PCGF3: variants seen among roughly 807,000 people sequenced by gnomAD.
PCGF3 encodes polycomb group RING finger protein 3.
PCGF3 carries 7 observed loss-of-function variants against 33.1 expected under a neutral mutation model. The observed-to-expected ratio is 0.21, with a 90% CI of 0.12 to 0.40. The LOEUF (loss-of-function observed/expected upper bound fraction) is 0.40. Among genes scored for constraint, PCGF3 ranks in the 10% least tolerant of loss-of-function variants. The pLI is 1.00. For synonymous variants in PCGF3, 153 were observed against 121.3 expected (o/e 1.26, Z -1.72); for missense variants, 211 against 313.3 (o/e 0.67, Z 2.46).
intron 1 of PCGF3, among the ~76,000 whole-genome samples, chr4:707,850 C>T (rs1203010645): frequency 8.9e-6 from 1 of 112,442 alleles, no homozygotes; most frequent in Admixed American, 8.3e-5. Flanking sequence ...GGGGTCGGGA[C>T]CCTGGGACAG....
At chr4:727,015 T>C (rs1234052705) in intron 1 of PCGF3, among the ~76,000 whole-genome samples, 2 of 152,148 alleles carry the variant, frequency 1.3e-5, no homozygotes, top group Non-Finnish European at 2.9e-5. Flanking sequence ...GTGTGTGCGC[T>C]CCTGCGTCTG....
At chr4:728,764 A>G (rs1743431972) in intron 1 of PCGF3, among the ~76,000 whole-genome samples, 1 of 152,202 alleles carries the variant, frequency 6.6e-6, no homozygotes, top group Admixed American at 6.5e-5. Flanking sequence ...CCAACACAGG[A>G]GCCACTGGCC....
rs1743768252 is a variant in PCGF3 at position 735,034 on chromosome 4, G to A, written c.206+7G>A. 6.2e-7 allele frequency: 1 copy of A among 1,610,946 alleles called. No individual in the cohort carries two copies. Among genetic ancestry groups the A allele is most frequent in the Non-Finnish European group, 8.5e-7 (1 of 1,179,346 alleles). On this transcript the variant is annotated splice_region_variant and intron_variant, in intron 5 of 10. Coordinates refer to ENST00000362003, the Ensembl canonical transcript of PCGF3. ...ACCCCCTGCAGTACATCGGGTGAGT[G>A]TGGGCCTTCCCAGGCCACAGTACGT...
intron 1 of PCGF3, among the ~76,000 whole-genome samples, chr4:714,755 G>A (rs1225874422): frequency 2.6e-5 from 4 of 152,234 alleles, no homozygotes; most frequent in Non-Finnish European, 5.9e-5. Context: ...GTCTCAGCTG[G>A]AGAAAGCTGC....
At chr4:754,022 C>T (rs17164972) in intron 8 of PCGF3, among the ~76,000 whole-genome samples, 5,734 of 152,258 alleles carry the variant, frequency 0.038, 149 homozygotes, top group East Asian at 0.097. Context: ...GAGTCGCCTC[C>T]GTCTTTGGTG....
In PCGF3 at chr4:765,149, T is replaced by G; in HGVS notation, c.681+85T>G. The stretch of plus-strand genomic sequence containing the variant: ...TCTCTTATCTAAAATGTTAAATGAC[T>G]CCAGCTGGGTGCAGTGGCTCATGCC... On this transcript the variant is annotated intron_variant, in intron 10 of 10. Coordinates refer to ENST00000362003, the Ensembl canonical transcript of PCGF3. The G allele has an allele frequency of 3.2e-6, 3 of 949,712 alleles. No individual in the cohort carries two copies. The South Asian group carries it at 4.2e-5, about 13-fold the overall frequency. The allele number at this position is 949,712 out of a possible 1,614,324, so 58.8% of individuals were successfully genotyped here.
Position 733,976 on chromosome 4 carries a change from G to T in PCGF3, c.109+187G>T, listed in dbSNP as rs778783802. The T allele has an allele frequency of 3.0e-5, 46 of 1,551,252 alleles. No individual in the cohort carries two copies. In the Admixed American group the frequency reaches 9.0e-4, roughly 30 times the overall value. ...TCATTTCACGCTAAAGGTCCTGTGG[G>T]TGGTGTCAGAGCAGATGAGGCCTCG... On this transcript the variant is annotated intron_variant, in intron 4 of 10. Coordinates refer to ENST00000362003, the Ensembl canonical transcript of PCGF3.
At chr4:760,297 C>G (rs1250252354) in intron 8 of PCGF3, among the ~76,000 whole-genome samples, 1 of 152,120 alleles carries the variant, frequency 6.6e-6, no homozygotes, top group Non-Finnish European at 1.5e-5. Flanking sequence ...CCGTCTTCTC[C>G]CCTTTCTCTT....
At chr4:754,953 C>A (rs1188841689) in intron 8 of PCGF3, among the ~76,000 whole-genome samples, 2 of 152,216 alleles carry the variant, frequency 1.3e-5, no homozygotes, top group Non-Finnish European at 2.9e-5. Flanking sequence ...GATGGCAGAT[C>A]TTGGGCTCTT....
exon 11 of PCGF3, chr4:767,963 A>T (rs1745452989): frequency 6.6e-6 from 1 of 152,668 alleles, no homozygotes; most frequent in African/African-American, 2.4e-5. Flanking sequence ...TGTGTGGCGG[A>T]ATAAGAAAGG....
intron 6 of PCGF3, among the ~76,000 whole-genome samples, chr4:741,400 T>C (rs544914696): frequency 2.6e-5 from 4 of 152,088 alleles, no homozygotes; most frequent in Non-Finnish European, 4.4e-5. Flanking sequence ...TGAGCTCTTA[T>C]TTATTTATTT....
intron 1 of PCGF3, among the ~76,000 whole-genome samples, chr4:724,221 G>A (rs1055207125): frequency 2.6e-5 from 4 of 152,220 alleles, no homozygotes; most frequent in African/African-American, 9.7e-5. Flanking sequence ...AGGTGGGATC[G>A]GCTGCGGGAG....
chr4:737,391 T>G, intron 5 of PCGF3, 75 bp from the exon 6 acceptor site: 1 of 964,956 alleles, frequency 1.0e-6, no homozygotes, highest in South Asian at 1.3e-5. Context: ...AACTTTGATA[T>G]TGTTAAATGG....
intron 4 of PCGF3, 36 bp downstream of exon 4, chr4:733,825 G>T (rs769704810): frequency 2.5e-6 from 4 of 1,613,538 alleles, no homozygotes; most frequent in South Asian, 1.1e-5. Flanking sequence ...GGGAGGGCGC[G>T]CCCTTCCCAG....
intron 1 of PCGF3, among the ~76,000 whole-genome samples, chr4:716,172 G>A (rs1376422223): frequency 8.1e-6 from 1 of 123,626 alleles, no homozygotes; most frequent in Non-Finnish European, 1.8e-5. Flanking sequence ...AGAACTGGGC[G>A]TCGGTGCTGG....
At chr4:741,715 T>C (rs1298878515) in intron 6 of PCGF3, among the ~76,000 whole-genome samples, 1 of 152,038 alleles carries the variant, frequency 6.6e-6, no homozygotes, top group East Asian at 1.9e-4. Flanking sequence ...CCCCAATAAA[T>C]GTTTCAGTGC....
chr4:731,658 C>T (rs1241657109), intron 3 of PCGF3, among the ~76,000 whole-genome samples: 1 of 73,362 alleles, frequency 1.4e-5, no homozygotes, highest in African/African-American at 4.5e-5. Flanking sequence ...GCTCCCCCGC[C>T]CCTCGTGGGT....
chr4:750,549 C>T (rs1744466075), intron 8 of PCGF3, among the ~76,000 whole-genome samples: 1 of 152,190 alleles, frequency 6.6e-6, no homozygotes, highest in Non-Finnish European at 1.5e-5. Context: ...CTCAGTTTCT[C>T]TGTCTGTGGC....
intron 9 of PCGF3, among the ~76,000 whole-genome samples, chr4:763,098 C>T (rs1333268410): frequency 6.6e-6 from 1 of 151,770 alleles, no homozygotes; most frequent in Non-Finnish European, 1.5e-5. Flanking sequence ...ACTCACTGAG[C>T]ACGGGCTGCC....
Sources: allele counts gnomAD v4.1 joint callset (sites outside exome capture counted in the v4.1 genomes callset), GRCh38; gene constraint gnomAD v4.1.1; transcripts MANE v1.5; gene names NCBI Gene and HGNC (gene_info 2026-07-23, HGNC 2026-07-21).